PTPRG: variants seen among roughly 807,000 people sequenced by gnomAD.
PTPRG encodes the protein receptor-type tyrosine-protein phosphatase gamma.
Under a neutral mutation model 165.3 loss-of-function variants are expected in PTPRG, and 102 were observed. That is an observed-to-expected ratio of 0.62 (90% confidence interval 0.53 to 0.73). PTPRG has a LOEUF of 0.73. PTPRG is among the 30% of genes least tolerant of loss of function. The probability of loss-of-function intolerance (pLI) is 0.00; values close to 1 mark genes in which losing one functional copy is unlikely to be tolerated. For missense variants in PTPRG, 1,866 were observed against 1,861.4 expected (o/e 1.00, Z -0.05); for synonymous variants, 675 against 669.5 (o/e 1.01, Z -0.13).
intron 2 of PTPRG, among the ~76,000 whole-genome samples, chr3:61,961,545 C>A (rs983901703): frequency 6.6e-6 from 1 of 152,210 alleles, no homozygotes; most frequent in African/African-American, 2.4e-5. Flanking sequence ...TTAGGCACAT[C>A]ATTCCTCAAA....
chr3:61,599,607 C>G (rs867829874), intron 1 of PTPRG, among the ~76,000 whole-genome samples: 1 of 152,012 alleles, frequency 6.6e-6, no homozygotes, highest in African/African-American at 2.4e-5. Flanking sequence ...GTCCTCCCAA[C>G]TTAGGTTCCC....
chr3:61,912,407 G>T (rs2038824580), intron 2 of PTPRG, among the ~76,000 whole-genome samples: 1 of 152,100 alleles, frequency 6.6e-6, no homozygotes, highest in Non-Finnish European at 1.5e-5. Context: ...TCATGGATTT[G>T]CATTCTGTAG....
At chr3:61,981,707 G>C (rs921822243) in intron 2 of PTPRG, among the ~76,000 whole-genome samples, 7 of 152,158 alleles carry the variant, frequency 4.6e-5, no homozygotes, top group Non-Finnish European at 7.3e-5. Context: ...GATTCTTCCA[G>C]GTATTACAGG....
intron 2 of PTPRG, among the ~76,000 whole-genome samples, chr3:61,792,880 C>T (rs1052047297): frequency 6.6e-6 from 1 of 152,040 alleles, no homozygotes; most frequent in Non-Finnish European, 1.5e-5. Flanking sequence ...AGGCACGTGC[C>T]ACCACGCCTG....
chr3:62,267,045 A>C (rs1425729428), intron 17 of PTPRG, among the ~76,000 whole-genome samples: 1 of 152,006 alleles, frequency 6.6e-6, no homozygotes, highest in Non-Finnish European at 1.5e-5. Flanking sequence ...TGGACTTGAC[A>C]GATCAGTCAC....
chr3:62,089,614 C>T (rs349161), intron 5 of PTPRG, among the ~76,000 whole-genome samples: 49,876 of 152,018 alleles, frequency 0.33, 10,288 homozygotes, highest in African/African-American at 0.59. Context: ...CAGGTGTCTT[C>T]TGAGAAAATT....
At chr3:61,882,650 T>A (rs2037918488) in intron 2 of PTPRG, among the ~76,000 whole-genome samples, 1 of 152,214 alleles carries the variant, frequency 6.6e-6, no homozygotes, top group Non-Finnish European at 1.5e-5. Context: ...TTGCACATCA[T>A]GCTAGTTGGC....
At position 62,195,074 on chromosome 3, in the gene PTPRG, A is replaced by G. The variant is rs746947603; in HGVS notation, c.1231A>G (p.Ser411Gly). The G allele has an allele frequency of 6.2e-7, 1 of 1,614,136 alleles. No homozygotes were observed. The highest frequency in any genetic ancestry group is 2.2e-5 in the East Asian group (1 of 44,872). The change falls in exon 10 of 30, where the codon AGC becomes GGC. Residue 411 changes from serine to glycine, a missense_variant. By Grantham distance (56) the Ser-to-Gly change is moderately conservative (BLOSUM62 0). This residue lies in a region of PTPRG where 1,452 missense variants were observed against 1,463.0 expected (regional missense o/e 0.99). Transcript: ENST00000474889. The surrounding 1 kb of genome is among the most constrained non-coding windows in gnomAD (Gnocchi z 4.4). Reference sequence around the variant, plus strand: ...TCTTTACTTACAGAAAGCCACCATTAGCCATGTCTCACCCGATAGCCTTTA... The same window carrying G: ...TCTTTACTTACAGAAAGCCACCATTGGCCATGTCTCACCCGATAGCCTTTA... Reference protein sequence around the residue: ...DSDKDLKATISHVSPDSLYLF... With the variant: ...DSDKDLKATIGHVSPDSLYLF...
At chr3:61,656,803 C>G (rs1335601286) in intron 1 of PTPRG, among the ~76,000 whole-genome samples, 1 of 152,086 alleles carries the variant, frequency 6.6e-6, no homozygotes, top group East Asian at 1.9e-4. Flanking sequence ...CGATTTGGGG[C>G]TACTATAAAA....
chr3:61,583,481 C>T (rs1700355091), intron 1 of PTPRG, among the ~76,000 whole-genome samples: 1 of 152,140 alleles, frequency 6.6e-6, no homozygotes, highest in Admixed American at 6.5e-5. Context: ...AAGCACTGGT[C>T]CCTAGCAAAC....
intron 8 of PTPRG, among the ~76,000 whole-genome samples, chr3:62,172,263 C>T (rs948808852): frequency 6.6e-6 from 1 of 152,058 alleles, no homozygotes; most frequent in African/African-American, 2.4e-5. Context: ...AGATGTAAAC[C>T]TAGGAATAGC....
chr3:62,087,865 T>C (rs1701802044), intron 5 of PTPRG, among the ~76,000 whole-genome samples: 1 of 152,248 alleles, frequency 6.6e-6, no homozygotes, highest in Non-Finnish European at 1.5e-5. Context: ...ATTATGTTCT[T>C]CTTTTTGTCC....
chr3:62,124,188 A>C (rs1299131662), intron 5 of PTPRG: 6 of 798,140 alleles, frequency 7.5e-6, no homozygotes, highest in South Asian at 6.1e-5. Context: ...AAAGAAAAAA[A>C]AGAAGTCATG....
intron 2 of PTPRG, among the ~76,000 whole-genome samples, chr3:61,952,049 C>T (rs1201610320): frequency 2.2e-5 from 3 of 139,394 alleles, no homozygotes; most frequent in African/African-American, 5.4e-5. Flanking sequence ...ACCAGGGAGT[C>T]GGAGGTTGCA....
intron 4 of PTPRG, among the ~76,000 whole-genome samples, chr3:62,005,997 C>A (rs2041290099): frequency 6.6e-6 from 1 of 152,138 alleles, no homozygotes; most frequent in South Asian, 2.1e-4. Context: ...GCCACCGTAC[C>A]TGGCCAGAGA....
chr3:61,697,245 C>T (rs1185345669), intron 1 of PTPRG, among the ~76,000 whole-genome samples: 1 of 152,128 alleles, frequency 6.6e-6, no homozygotes, highest in Non-Finnish European at 1.5e-5. Flanking sequence ...CAGAGAGATG[C>T]TGTTGGGGCT....
At chr3:61,984,651 G>A (rs990652973) in intron 2 of PTPRG, among the ~76,000 whole-genome samples, 1 of 152,154 alleles carries the variant, frequency 6.6e-6, no homozygotes, top group African/African-American at 2.4e-5. Flanking sequence ...TTTTGACAAG[G>A]ACCTACTAGG....
intron 2 of PTPRG, among the ~76,000 whole-genome samples, chr3:61,802,808 T>C (rs936442192): frequency 1.3e-5 from 2 of 152,114 alleles, no homozygotes; most frequent in East Asian, 3.9e-4. Flanking sequence ...TCAGGAGTCA[T>C]GGGGACTGTG....
At chr3:61,791,051 C>G (rs1246812235) in intron 2 of PTPRG, among the ~76,000 whole-genome samples, 7 of 152,146 alleles carry the variant, frequency 4.6e-5, no homozygotes, top group South Asian at 4.1e-4. Context: ...AAACAATAGT[C>G]TAATCAATGG....
Sources: allele counts gnomAD v4.1 joint callset (sites outside exome capture counted in the v4.1 genomes callset), GRCh38; gene constraint gnomAD v4.1.1; regional missense constraint gnomAD v4.1.1; non-coding constraint Gnocchi (gnomAD v3.1); transcripts MANE v1.5; gene names NCBI Gene and HGNC (gene_info 2026-07-23, HGNC 2026-07-21).